ZDHHC14: variants seen among roughly 807,000 people sequenced by gnomAD.
ZDHHC14 encodes zDHHC palmitoyltransferase 14, also known as palmitoyltransferase ZDHHC14.
In ZDHHC14, 16 loss-of-function variants were observed where a neutral mutation model predicts 47.7. The observed-to-expected ratio is 0.34, with a 90% confidence interval of 0.23 to 0.51. ZDHHC14 has a LOEUF of 0.51. Among genes scored for constraint, ZDHHC14 ranks in the 20% least tolerant of loss-of-function variants. ZDHHC14 has a pLI of 0.97. For synonymous variants in ZDHHC14, 293 were observed against 278.9 expected (o/e 1.05, Z -0.50); for missense variants, 515 against 662.5 (o/e 0.78, Z 2.44).
At chr6:157,503,949 C>G (rs1037714270) in intron 1 of ZDHHC14, among the ~76,000 whole-genome samples, 1 of 152,184 alleles carries the variant, frequency 6.6e-6, no homozygotes, top group African/African-American at 2.4e-5. Flanking sequence ...CATCTACCCT[C>G]TGACTCAACA....
intron 1 of ZDHHC14, among the ~76,000 whole-genome samples, chr6:157,521,103 A>C (rs1481888887): frequency 6.6e-6 from 1 of 152,200 alleles, no homozygotes; most frequent in Non-Finnish European, 1.5e-5. Flanking sequence ...GGATGCGCAG[A>C]TGTTTATTGA....
At chr6:157,539,665 C>T (rs1781674306) in intron 1 of ZDHHC14, among the ~76,000 whole-genome samples, 1 of 152,162 alleles carries the variant, frequency 6.6e-6, no homozygotes, top group Non-Finnish European at 1.5e-5. Context: ...CCGGTTTAAC[C>T]ATCTCCTAGA....
intron 8 of ZDHHC14, among the ~76,000 whole-genome samples, chr6:157,662,410 G>T (rs1487184023): frequency 2.0e-5 from 3 of 152,210 alleles, no homozygotes; most frequent in Non-Finnish European, 4.4e-5. Flanking sequence ...TTGACCTCCT[G>T]ACCTCAAGTA....
intron 1 of ZDHHC14, among the ~76,000 whole-genome samples, chr6:157,484,431 CGTATATATACATATATATGTATATGT>C (rs1366657003): frequency 1.4e-5 from 2 of 142,464 alleles, no homozygotes; most frequent in East Asian, 4.0e-4. Flanking sequence ...CATATATATA[CGTATATATACATATATATGTATATGT>C]GTATATATAC....
intron 8 of ZDHHC14, among the ~76,000 whole-genome samples, chr6:157,672,494 G>T (rs80231736): frequency 1.3e-5 from 2 of 152,058 alleles, no homozygotes; most frequent in Non-Finnish European, 2.9e-5. Flanking sequence ...CTGGGCACCC[G>T]TGGTGACTTC....
chr6:157,403,441 CCTGGGAAAGGGGAAGG>C (rs1449630603), intron 1 of ZDHHC14, among the ~76,000 whole-genome samples: 3 of 152,272 alleles, frequency 2.0e-5, no homozygotes, highest in Non-Finnish European at 1.5e-5. Context: ...AACCTATGCA[CCTGGGAAAGGGGAAGG>C]CTGCCAGTTG....
At chr6:157,649,602 C>A (rs9458055) in intron 7 of ZDHHC14, among the ~76,000 whole-genome samples, 7,246 of 152,324 alleles carry the variant, frequency 0.048, 579 homozygotes, top group African/African-American at 0.16. Flanking sequence ...TGGGCCCAGA[C>A]CCCTGTGCTT....
intron 5 of ZDHHC14, among the ~76,000 whole-genome samples, chr6:157,641,624 G>A (rs1160234750): frequency 6.6e-6 from 1 of 151,968 alleles, no homozygotes; most frequent in Non-Finnish European, 1.5e-5. Flanking sequence ...AGCATCCTTT[G>A]CCAATCTCCA....
At chr6:157,568,212 C>G (rs1782977479) in intron 2 of ZDHHC14, among the ~76,000 whole-genome samples, 1 of 152,046 alleles carries the variant, frequency 6.6e-6, no homozygotes, top group Non-Finnish European at 1.5e-5. Context: ...CAAACTGTTT[C>G]AAAAGCGATA....
chr6:157,447,035 C>T (rs1778687511), intron 1 of ZDHHC14, among the ~76,000 whole-genome samples: 3 of 151,952 alleles, frequency 2.0e-5, no homozygotes, highest in Non-Finnish European at 4.4e-5. Context: ...AGGAGAATCG[C>T]TTGAACCCGG....
At chr6:157,592,904 G>C in intron 2 of ZDHHC14, 84 bp from the exon 3 acceptor site, 1 of 1,511,680 alleles carries the variant, frequency 6.6e-7, no homozygotes, top group East Asian at 2.4e-5. Context: ...TGCTGCCCTG[G>C]AGCTTACACT....
intron 1 of ZDHHC14, among the ~76,000 whole-genome samples, chr6:157,458,849 A>ATTTTTTTGTTTTTTTTTTT (rs1778992186): frequency 2.5e-5 from 2 of 81,224 alleles, no homozygotes; most frequent in East Asian, 4.6e-4. Context: ...ATGTGGGTGG[A>ATTTTTTTGTTTTTTTTTTT]TTTTTTTTTT....
intron 2 of ZDHHC14, among the ~76,000 whole-genome samples, chr6:157,556,843 G>T (rs761894745): frequency 6.6e-6 from 1 of 152,308 alleles, no homozygotes; most frequent in South Asian, 2.1e-4. Context: ...GGTTCCAGGC[G>T]AGCTGAAGAG....
At position 157,602,637 on chromosome 6, in the gene ZDHHC14, T is replaced by TACCCC. The variant is rs566016569; in HGVS notation, c.565+9492_565+9493insCCCCA. On this transcript the variant is annotated intron_variant, in intron 3 of 8. Transcript: ENST00000359775. ...ATAGACTACCTGGGGTACTGAACGG[T>TACCCC]AGGACAGAAGCTCAGGGATGTTCAG... Among the ~76,000 whole-genome samples, 6 of 151,752 alleles carry TACCCC rather than the reference T, an allele frequency of 4.0e-5. No individual in the cohort carries two copies. In the South Asian group the frequency reaches 1.3e-3, roughly 32 times the overall value.
At chr6:157,623,574 G>A (rs1166616617) in intron 3 of ZDHHC14, among the ~76,000 whole-genome samples, 3 of 121,262 alleles carry the variant, frequency 2.5e-5, no homozygotes, top group African/African-American at 6.6e-5. Flanking sequence ...ACAGAGTCTT[G>A]CTCTGTCGCT....
chr6:157,442,061 G>A (rs1778571172), intron 1 of ZDHHC14, among the ~76,000 whole-genome samples: 1 of 152,126 alleles, frequency 6.6e-6, no homozygotes, highest in Non-Finnish European at 1.5e-5. Flanking sequence ...TAGAAACAGT[G>A]CTCTGTTGAA....
chr6:157,457,959 T>C (rs1472484365), intron 1 of ZDHHC14, among the ~76,000 whole-genome samples: 1 of 152,232 alleles, frequency 6.6e-6, no homozygotes, highest in African/African-American at 2.4e-5. Context: ...AATGCCAAGA[T>C]AACCAACTCA....
At chr6:157,441,243 C>G (rs572364203) in intron 1 of ZDHHC14, among the ~76,000 whole-genome samples, 5 of 152,196 alleles carry the variant, frequency 3.3e-5, no homozygotes, top group Admixed American at 1.3e-4. Flanking sequence ...TTTTTGTAGG[C>G]TTTGCAAATC....
chr6:157,660,769 C>T (rs1278711130), intron 8 of ZDHHC14, among the ~76,000 whole-genome samples: 1 of 152,192 alleles, frequency 6.6e-6, no homozygotes, highest in African/African-American at 2.4e-5. Flanking sequence ...ACACAGCCTT[C>T]AAACTCTCTT....
Sources: gnomAD v4.1 joint callset for allele counts (sites outside exome capture counted in the v4.1 genomes callset) on GRCh38, gnomAD v4.1.1 for gene constraint, MANE v1.5 for transcripts, NCBI Gene and HGNC (gene_info 2026-07-23, HGNC 2026-07-21) for gene names.